Variants in SHISA9 observed in about 807,000 individuals in gnomAD.
SHISA9 encodes the protein shisa family member 9.
Under a neutral mutation model 38.0 loss-of-function variants are expected in SHISA9, and 13 were observed. That is an observed-to-expected ratio of 0.34 (90% CI 0.22 to 0.54). SHISA9 has a LOEUF of 0.54. SHISA9 is among the 20% of genes least tolerant of loss of function. The probability of loss-of-function intolerance (pLI) is 0.91; values close to 1 mark genes in which losing one functional copy is unlikely to be tolerated. For synonymous variants in SHISA9, 275 were observed against 242.0 expected (o/e 1.14, Z -1.27); for missense variants, 538 against 575.8 (o/e 0.93, Z 0.67).
chr16:12,929,711 A>G (rs901897061), intron 2 of SHISA9, among the ~76,000 whole-genome samples: 2 of 152,050 alleles, frequency 1.3e-5, no homozygotes, highest in Non-Finnish European at 2.9e-5. Context: ...GTGATGGGAT[A>G]ATCTGTGTAG....
intron 2 of SHISA9, among the ~76,000 whole-genome samples, chr16:12,948,135 C>A (rs569239613): frequency 6.6e-6 from 1 of 152,130 alleles, no homozygotes; most frequent in Admixed American, 6.5e-5. Flanking sequence ...CTTTATAATG[C>A]GTCTATGATA....
chr16:13,119,292 TATC>T lies in SHISA9; in HGVS notation c.692-84099_692-84097del, dbSNP rs58828780. Among the ~76,000 whole-genome samples the T allele has an allele frequency of 7.3e-3, 1,111 of 152,330 alleles. 15 individuals are homozygous for T. Among genetic ancestry groups the T allele is most frequent in the African/African-American group, 0.025 (1,051 of 41,568 alleles). ...CTCAAGGTCACACAGGCTGAAATGT[TATC>T]ATTGATTTTAGAACCTGGGTTTTCT... On this transcript the variant is annotated intron_variant, in intron 2 of 4. Transcript: ENST00000558583.
chr16:13,350,439 A>G, the SHISA9 span: 1 of 152,248 alleles, frequency 6.6e-6, no homozygotes, highest in South Asian at 2.1e-4. Flanking sequence ...AATTCTCTTA[A>G]CAAATCACTT....
intron 2 of SHISA9, among the ~76,000 whole-genome samples, chr16:12,994,935 A>G (rs1480841661): frequency 1.3e-5 from 2 of 152,196 alleles, no homozygotes; most frequent in African/African-American, 4.8e-5. Flanking sequence ...CCACAGATGA[A>G]TATATGTGTT....
intron 2 of SHISA9, among the ~76,000 whole-genome samples, chr16:13,053,014 A>G (rs1596614208): frequency 1.6e-5 from 2 of 122,258 alleles, no homozygotes; most frequent in Admixed American, 1.1e-4. Flanking sequence ...CTCAGGCTGG[A>G]GTGCAGTGGC....
intron 2 of SHISA9, among the ~76,000 whole-genome samples, chr16:12,930,828 G>C (rs1002536496): frequency 6.6e-6 from 1 of 152,142 alleles, no homozygotes; most frequent in Non-Finnish European, 1.5e-5. Flanking sequence ...AAAACACAGA[G>C]AGAGGAAGTG....
intron 2 of SHISA9, among the ~76,000 whole-genome samples, chr16:12,990,844 T>C (rs950707420): frequency 6.6e-6 from 1 of 152,228 alleles, no homozygotes; most frequent in Non-Finnish European, 1.5e-5. Context: ...CTCTGCGCAT[T>C]AAACCAAACA....
intron 2 of SHISA9, among the ~76,000 whole-genome samples, chr16:13,175,181 A>C (rs1259822807): frequency 6.6e-6 from 1 of 151,842 alleles, no homozygotes; most frequent in Non-Finnish European, 1.5e-5. Context: ...AGCTTGGGAA[A>C]CACAGTGAGA....
intron 2 of SHISA9, chr16:13,082,412 C>T (rs1037340528): frequency 6.6e-6 from 1 of 152,104 alleles, no homozygotes; most frequent in Admixed American, 6.5e-5. Flanking sequence ...GGTGGGTCAT[C>T]GTAGCTCTAT....
At chr16:13,406,934 GGCGCGT>G in the SHISA9 span, among the ~76,000 whole-genome samples, 1 of 151,950 alleles carries the variant, frequency 6.6e-6, no homozygotes, top group African/African-American at 2.4e-5. Context: ...TGGGTGTGGT[GGCGCGT>G]GTCTGTAATC....
At chr16:13,465,697 G>A in the SHISA9 span, among the ~76,000 whole-genome samples, 1 of 152,156 alleles carries the variant, frequency 6.6e-6, no homozygotes, top group Non-Finnish European at 1.5e-5. Flanking sequence ...ACCTTTGAAG[G>A]CAGATCCAGG....
intron 2 of SHISA9, among the ~76,000 whole-genome samples, chr16:13,175,368 A>C (rs968468661): frequency 1.3e-5 from 2 of 152,208 alleles, no homozygotes; most frequent in South Asian, 4.1e-4. Context: ...CCCTCTCCAA[A>C]ATAAATACAT....
At chr16:13,154,873 G>A (rs2050530162) in intron 2 of SHISA9, among the ~76,000 whole-genome samples, 1 of 152,214 alleles carries the variant, frequency 6.6e-6, no homozygotes. Flanking sequence ...TTCTCAGGAT[G>A]TTTTGTCAGG....
intron 2 of SHISA9, among the ~76,000 whole-genome samples, chr16:13,062,893 C>T (rs1188743210): frequency 2.0e-5 from 3 of 152,194 alleles, no homozygotes; most frequent in Non-Finnish European, 4.4e-5. Flanking sequence ...ACCCTGGTAC[C>T]CTGATCCTGG....
intron 2 of SHISA9, among the ~76,000 whole-genome samples, chr16:13,118,663 G>A (rs1472800902): frequency 1.3e-5 from 2 of 152,102 alleles, no homozygotes; most frequent in South Asian, 2.1e-4. Context: ...CACACCTTGA[G>A]GAGCAAGGCC....
At chr16:13,142,678 C>T (rs1329533441) in intron 2 of SHISA9, among the ~76,000 whole-genome samples, 5 of 152,130 alleles carry the variant, frequency 3.3e-5, no homozygotes, top group South Asian at 2.1e-4. Flanking sequence ...ACTCCAAGTT[C>T]GTTACTTTAT....
At chr16:12,990,692 T>C (rs1047949042) in intron 2 of SHISA9, among the ~76,000 whole-genome samples, 2 of 152,126 alleles carry the variant, frequency 1.3e-5, no homozygotes, top group African/African-American at 4.8e-5. Flanking sequence ...TGGCATCTAG[T>C]GAGTAGAGAG....
intron 3 of SHISA9, among the ~76,000 whole-genome samples, chr16:13,205,156 T>C (rs1206940934): frequency 6.6e-6 from 1 of 152,168 alleles, no homozygotes; most frequent in Non-Finnish European, 1.5e-5. Flanking sequence ...GAGATTTCAA[T>C]TGAACTGGTT....
the SHISA9 span, among the ~76,000 whole-genome samples, chr16:13,506,008 C>G: frequency 6.6e-6 from 1 of 152,200 alleles, no homozygotes; most frequent in South Asian, 2.1e-4. Context: ...GTACCTATAT[C>G]TAGGTCCCTC....
Sources: allele counts gnomAD v4.1 joint callset (sites outside exome capture counted in the v4.1 genomes callset), GRCh38; gene constraint gnomAD v4.1.1; transcripts MANE v1.5; gene names NCBI Gene and HGNC (gene_info 2026-07-23, HGNC 2026-07-21).